CDKL5: variants seen among roughly 807,000 people sequenced by gnomAD.
CDKL5 encodes the protein cyclin-dependent kinase-like 5.
A neutral mutation model predicts 61.7 loss-of-function variants in CDKL5; 8 were observed. The observed-to-expected ratio is 0.13, with a 90% confidence interval of 0.08 to 0.23. The LOEUF (loss-of-function observed/expected upper bound fraction) is 0.23, where lower values mean the gene tolerates loss of function less well. CDKL5 is among the 10% of genes least tolerant of loss of function. CDKL5 has a pLI of 1.00. For synonymous variants in CDKL5, 275 were observed against 272.3 expected, an observed-to-expected ratio of 1.01 and a Z score of -0.10; for missense variants, 440 against 734.5, an observed-to-expected ratio of 0.60 and a Z score of 4.63.
At chrX:18,445,988 C>T (rs909180344) in intron 1 of CDKL5, among the ~76,000 whole-genome samples, 2 of 109,612 alleles carry the variant, frequency 1.8e-5, no homozygotes, top group African/African-American at 6.6e-5. Flanking sequence ...TCATTTAATA[C>T]GTTTTTCTGT....
intron 1 of CDKL5, among the ~76,000 whole-genome samples, chrX:18,493,530 TC>T (rs1211456925): frequency 8.9e-6 from 1 of 112,651 alleles, no homozygotes; most frequent in Non-Finnish European, 1.9e-5. Context: ...TTTCAGCAAT[TC>T]CATTTTGAAA....
chrX:18,649,271 T>A (rs1255208707), intron 20 of CDKL5, among the ~76,000 whole-genome samples: 2 of 111,314 alleles, frequency 1.8e-5, no homozygotes, highest in African/African-American at 6.5e-5. Context: ...GGTCTCGCTG[T>A]GTCGCACAGG....
At chrX:18,498,716 C>T (rs1922270618) in intron 1 of CDKL5, among the ~76,000 whole-genome samples, 1 of 112,151 alleles carries the variant, frequency 8.9e-6, no homozygotes, top group African/African-American at 3.2e-5. Context: ...CTAACTACTT[C>T]TTTTGTGATT....
At position 18,516,284 on chromosome X, in the gene CDKL5, G is replaced by GTT. The variant is rs375914877; in HGVS notation, c.99+5446_99+5447dup. Among the ~76,000 whole-genome samples the GTT allele has an allele frequency of 1.3e-3, 118 of 90,660 alleles. 2 individuals carry two copies. The highest frequency in any genetic ancestry group is 4.1e-3 in the African/African-American group (104 of 25,176). The allele number at this position is 90,660 out of a possible 115,157, so 78.7% of individuals were successfully genotyped here. On this transcript the variant is annotated intron_variant, in intron 3 of 17. Transcript: ENST00000623535. ...GCGTGAGCCATTGCGCCTGGCCTAC[G>GTT]TTTTTTTTTTTTTTTTTATTGCTAA...
At chrX:18,462,092 TTTC>T (rs1932302662) in intron 1 of CDKL5, among the ~76,000 whole-genome samples, 2 of 109,301 alleles carry the variant, frequency 1.8e-5, no homozygotes, top group African/African-American at 6.7e-5. Context: ...TTTTTTTTTT[TTTC>T]TTTTTTAGCT....
Position 18,585,402 on chromosome X carries a change from C to A in CDKL5, c.554+1049C>A, listed in dbSNP as rs181344344. Reference sequence around the variant, plus strand: ...AGAGCAAGACTCCATCACACACACACAAAAAAACCCCAAAAAACAAAAAAA... The same window carrying A: ...AGAGCAAGACTCCATCACACACACAAAAAAAAACCCCAAAAAACAAAAAAA... On this transcript the variant is annotated intron_variant, in intron 8 of 17. Transcript: ENST00000623535. 5.3e-3 allele frequency among the ~76,000 whole-genome samples: 587 copies of A among 110,457 alleles called. 2 individuals are homozygous for A. Among genetic ancestry groups the A allele is most frequent in the Non-Finnish European group, 5.3e-3 (282 of 52,831 alleles).
At chrX:18,585,534 T>C (rs1281789594) in intron 8 of CDKL5, among the ~76,000 whole-genome samples, 2 of 109,851 alleles carry the variant, frequency 1.8e-5, no homozygotes, top group African/African-American at 7.0e-5. Context: ...ATCTCTACAT[T>C]GATCTACTTT....
At chrX:18,509,225 A>C in intron 2 of CDKL5, among the ~76,000 whole-genome samples, 1 of 107,014 alleles carries the variant, frequency 9.3e-6, no homozygotes, top group Non-Finnish European at 1.9e-5. Context: ...ACACACACAC[A>C]CACACACACA....
At chrX:18,537,377 G>A (rs1923879662) in intron 3 of CDKL5, among the ~76,000 whole-genome samples, 1 of 111,750 alleles carries the variant, frequency 8.9e-6, no homozygotes, top group South Asian at 3.7e-4. Flanking sequence ...TCACATGTAG[G>A]TATAAGAAAT....
chrX:18,612,801 G>T lies in CDKL5; in HGVS notation c.2153-351G>T, dbSNP rs770433650. ...CATAAGCAGTGGATGGAGGGACAAGGTTCCCTGGAATGCCTTCACCCTCAG... is the reference window on the plus strand; with the variant it reads ...CATAAGCAGTGGATGGAGGGACAAGTTTCCCTGGAATGCCTTCACCCTCAG... On this transcript the variant is annotated intron_variant, in intron 14 of 17. Transcript: ENST00000623535. Among the ~76,000 whole-genome samples, 11 of 111,494 alleles carry T rather than the reference G, an allele frequency of 9.9e-5. No homozygotes were observed. The East Asian group carries it at 2.8e-3, about 28-fold the overall frequency.
At chrX:18,516,665 C>T (rs902086306) in intron 3 of CDKL5, among the ~76,000 whole-genome samples, 3 of 110,726 alleles carry the variant, frequency 2.7e-5, no homozygotes, top group African/African-American at 9.8e-5. Flanking sequence ...GGATTACAGG[C>T]GCCTGGCCAC....
In CDKL5 at chrX:18,637,419, G is replaced by A. The variant is rs1382258659; in HGVS notation, c.*8662G>A. 9.4e-6 allele frequency: 1 copy of A among 106,504 alleles called. No individual in the cohort carries two copies. Among genetic ancestry groups the A allele is most frequent in the Non-Finnish European group, 1.9e-5 (1 of 51,792 alleles). 8.8% of individuals were successfully genotyped at this position (106,504 alleles called of 1,213,427 possible). A position where few individuals can be genotyped will look rare whatever the true frequency, so the allele number is the denominator to read the frequency against. ...AAAAAAAAAAATACAAAAATTAGCCGGGAATGGTGGTGAATGTCTATAATC... is the reference window on the plus strand; with the variant it reads ...AAAAAAAAAAATACAAAAATTAGCCAGGAATGGTGGTGAATGTCTATAATC... On this transcript the variant is annotated 3_prime_UTR_variant, in exon 18 of 18. Coordinates refer to ENST00000623535, the MANE Select transcript of CDKL5 (RefSeq NM_001323289.2).
chrX:18,439,470 G>T (rs1177022758), intron 1 of CDKL5, among the ~76,000 whole-genome samples: 4 of 109,365 alleles, frequency 3.7e-5, no homozygotes, highest in Non-Finnish European at 7.6e-5. Context: ...AGATAGTTTT[G>T]GTTTTAGACC....
chrX:18,491,003 A>C (rs753690845), intron 1 of CDKL5, among the ~76,000 whole-genome samples: 61 of 112,080 alleles, frequency 5.4e-4, no homozygotes, highest in African/African-American at 1.8e-3. Context: ...TCCCTTTGAC[A>C]TAAGTGACCC....
intron 6 of CDKL5, among the ~76,000 whole-genome samples, chrX:18,580,424 T>C (rs930034306): frequency 9.0e-6 from 1 of 111,599 alleles, no homozygotes; most frequent in African/African-American, 3.3e-5. Flanking sequence ...TCATGTCTCA[T>C]TCCTTCTTAC....
At chrX:18,515,046 G>C (rs1298524225) in intron 3 of CDKL5, among the ~76,000 whole-genome samples, 1 of 112,152 alleles carries the variant, frequency 8.9e-6, no homozygotes, top group Non-Finnish European at 1.9e-5. Context: ...TGATCTGCCT[G>C]CCTCGGCCTC....
chrX:18,586,507 A>C (rs1925648566), intron 8 of CDKL5, among the ~76,000 whole-genome samples: 1 of 111,662 alleles, frequency 9.0e-6, no homozygotes, highest in African/African-American at 3.3e-5. Context: ...GAAAAACTGG[A>C]GTTATGTTTA....
intron 1 of CDKL5, among the ~76,000 whole-genome samples, chrX:18,433,512 T>C (rs375259113): frequency 6.2e-5 from 7 of 112,295 alleles, no homozygotes; most frequent in African/African-American, 1.9e-4. Context: ...ATTGCATCAT[T>C]GGACTCCAGC....
chrX:18,565,548 C>A (rs1287002429), intron 4 of CDKL5, among the ~76,000 whole-genome samples: 2 of 111,993 alleles, frequency 1.8e-5, no homozygotes, highest in Non-Finnish European at 3.8e-5. Context: ...GTGGAAATAG[C>A]AGTCATAGCT....
Sources: allele counts gnomAD v4.1 joint callset (sites outside exome capture counted in the v4.1 genomes callset), GRCh38; gene constraint gnomAD v4.1.1; transcripts MANE v1.5; gene names NCBI Gene and HGNC (gene_info 2026-07-23, HGNC 2026-07-21).